Variants in KAZN observed in about 807,000 individuals in gnomAD.
KAZN encodes the protein kazrin.
Under a neutral mutation model 87.4 loss-of-function variants are expected in KAZN, and 40 were observed. That is an observed-to-expected ratio of 0.46 (90% CI 0.36 to 0.60). The LOEUF is 0.60. KAZN is among the 20% of genes least tolerant of loss of function. The probability of loss-of-function intolerance (pLI) is 0.00; values close to 1 mark genes in which losing one functional copy is unlikely to be tolerated. For missense variants in KAZN, 898 were observed against 1,073.9 expected (o/e 0.84, Z 2.29); for synonymous variants, 466 against 458.3 (o/e 1.02, Z -0.22).
intron 2 of KAZN, among the ~76,000 whole-genome samples, chr1:14,378,719 T>G (rs1661118619): frequency 6.6e-6 from 1 of 152,168 alleles, no homozygotes; most frequent in Non-Finnish European, 1.5e-5. Flanking sequence ...GAGGGGGATA[T>G]TCCATCCAGG....
In KAZN at chr1:14,878,313, G is replaced by A. The variant is rs1572710645; in HGVS notation, c.227-82371G>A. 3.3e-5 allele frequency among the ~76,000 whole-genome samples: 5 copies of A among 151,954 alleles called. 1 individual carries two copies. In the South Asian group the frequency reaches 1.0e-3, roughly 32 times the overall value. On this transcript the variant is annotated intron_variant, in intron 1 of 14. Transcript: ENST00000376030. ...TTAAACATTAACAGTTCTTTGGGGG[G>A]GTGGCTGTCCTGTGCATTGTAGGAT...
At chr1:14,565,030 T>G (rs1674474844) in intron 2 of KAZN, among the ~76,000 whole-genome samples, 1 of 152,076 alleles carries the variant, frequency 6.6e-6, no homozygotes, top group Admixed American at 6.5e-5. Flanking sequence ...AAAATTATTA[T>G]GAAGCTTTGC....
intron 2 of KAZN, among the ~76,000 whole-genome samples, chr1:14,201,225 C>T (rs1030364914): frequency 6.6e-6 from 1 of 152,276 alleles, no homozygotes; most frequent in Non-Finnish European, 1.5e-5. Context: ...TTTAGCTAAA[C>T]CTCTCGTCTT....
At chr1:14,164,995 G>A (rs1645794700) in intron 1 of KAZN, among the ~76,000 whole-genome samples, 1 of 152,168 alleles carries the variant, frequency 6.6e-6, no homozygotes, top group African/African-American at 2.4e-5. Context: ...TTTCTATGAG[G>A]CAATTCAATT....
chr1:14,373,300 A>G (rs895463453), intron 2 of KAZN, among the ~76,000 whole-genome samples: 2 of 152,034 alleles, frequency 1.3e-5, no homozygotes, highest in African/African-American at 4.8e-5. Flanking sequence ...GCTGTCTGCA[A>G]TCTGGAGACC....
intron 1 of KAZN, chr1:14,930,166 G>A: frequency 1.3e-6 from 1 of 779,434 alleles, no homozygotes; most frequent in Non-Finnish European, 1.6e-6. Flanking sequence ...GGACACTGGG[G>A]ACTGTTTTGG....
chr1:14,822,244 A>G lies in KAZN; in HGVS notation c.227-138440A>G, dbSNP rs573041219. On this transcript the variant is annotated intron_variant, in intron 1 of 14. Transcript: ENST00000376030. ...GAGGTGCCAGGCCGAGAATTCCAGG[A>G]GGCACCTGGGAGAACAGGGCAGGGA... Among the ~76,000 whole-genome samples, 4 of 152,270 alleles carry G rather than the reference A, an allele frequency of 2.6e-5. No homozygotes were observed. In the South Asian group the frequency reaches 8.3e-4, roughly 32 times the overall value.
intron 1 of KAZN, among the ~76,000 whole-genome samples, chr1:13,946,987 G>C (rs139098289): frequency 6.6e-6 from 1 of 152,082 alleles, no homozygotes; most frequent in African/African-American, 2.4e-5. Context: ...GGGAGAATCC[G>C]TTCCTTGCCT....
chr1:14,013,643 T>C (rs897444148), intron 1 of KAZN, among the ~76,000 whole-genome samples: 1 of 152,200 alleles, frequency 6.6e-6, no homozygotes, highest in Non-Finnish European at 1.5e-5. Context: ...AATATGGGAC[T>C]TTAGTACCAG....
intron 1 of KAZN, among the ~76,000 whole-genome samples, chr1:14,004,005 A>C (rs2101156366): frequency 6.6e-6 from 1 of 152,322 alleles, no homozygotes; most frequent in African/African-American, 2.4e-5. Context: ...TAATATATAA[A>C]GGCCCTTACA....
At chr1:15,022,228 G>A (rs948914469) in intron 2 of KAZN, among the ~76,000 whole-genome samples, 7 of 152,056 alleles carry the variant, frequency 4.6e-5, no homozygotes, top group Admixed American at 3.9e-4. Context: ...GGCTCCAAAC[G>A]GGTCTATCCA....
At chr1:14,647,045 A>C (rs1326140374) in intron 1 of KAZN, among the ~76,000 whole-genome samples, 1 of 152,190 alleles carries the variant, frequency 6.6e-6, no homozygotes, top group East Asian at 1.9e-4. Context: ...AGGAAGACCG[A>C]GTCCAGGCAG....
At chr1:14,771,299 C>T (rs1645012458) in intron 1 of KAZN, among the ~76,000 whole-genome samples, 1 of 151,964 alleles carries the variant, frequency 6.6e-6, no homozygotes, top group East Asian at 1.9e-4. Flanking sequence ...AACAAAGATG[C>T]CAAGACAGTA....
chr1:14,036,002 AG>A (rs1334108917), intron 1 of KAZN, among the ~76,000 whole-genome samples: 7 of 152,224 alleles, frequency 4.6e-5, no homozygotes, highest in Non-Finnish European at 7.3e-5. Context: ...GAAATGAGAG[AG>A]TCTGAAAAGG....
chr1:14,104,414 T>G (rs536770054), intron 1 of KAZN, among the ~76,000 whole-genome samples: 1 of 152,354 alleles, frequency 6.6e-6, no homozygotes, highest in East Asian at 1.9e-4. Context: ...GTGGTGATTT[T>G]TTTTTTAAAG....
At chr1:14,445,229 T>C (rs898672543) in intron 2 of KAZN, among the ~76,000 whole-genome samples, 1 of 152,126 alleles carries the variant, frequency 6.6e-6, no homozygotes, top group African/African-American at 2.4e-5. Context: ...TTTCACCATG[T>C]TGGCCAGGCT....
intron 2 of KAZN, among the ~76,000 whole-genome samples, chr1:14,194,274 G>C (rs1285290003): frequency 1.3e-5 from 2 of 152,262 alleles, no homozygotes; most frequent in South Asian, 4.2e-4. Context: ...TGTGGACAGA[G>C]TCATGCTGCT....
chr1:13,966,480 G>A (rs1026938694), intron 1 of KAZN, among the ~76,000 whole-genome samples: 21 of 152,162 alleles, frequency 1.4e-4, no homozygotes, highest in Non-Finnish European at 2.5e-4. Flanking sequence ...CACTATCCTT[G>A]GAAGGACTCC....
intron 1 of KAZN, among the ~76,000 whole-genome samples, chr1:13,909,291 A>G (rs1303064275): frequency 1.3e-5 from 2 of 152,182 alleles, no homozygotes. Context: ...TTAGGAGATA[A>G]GACAGTGTGA....
Sources: gnomAD v4.1 joint callset for allele counts (sites outside exome capture counted in the v4.1 genomes callset) on GRCh38, gnomAD v4.1.1 for gene constraint, MANE v1.5 for transcripts, NCBI Gene and HGNC (gene_info 2026-07-23, HGNC 2026-07-21) for gene names.